Variants in POU2F2 observed in about 807,000 individuals in gnomAD.
POU2F2 encodes the protein POU class 2 homeobox 2, also known as POU domain, class 2, transcription factor 2.
POU2F2 carries 14 observed loss-of-function variants against 63.5 expected under a neutral mutation model. That is an observed-to-expected ratio of 0.22 (90% confidence interval 0.15 to 0.34). The LOEUF (loss-of-function observed/expected upper bound fraction) is 0.34, where lower values mean the gene tolerates loss of function less well. Among genes scored for constraint, POU2F2 ranks in the 10% least tolerant of loss-of-function variants. The pLI is 1.00. For missense variants in POU2F2, 607 were observed against 815.2 expected, an observed-to-expected ratio of 0.74 and a Z score of 3.11; for synonymous variants, 306 against 348.6, an observed-to-expected ratio of 0.88 and a Z score of 1.36.
rs533686330 is a variant in POU2F2 at position 42,155,415 on chromosome 19, G to A, written c.-9+4917C>T. Among the ~76,000 whole-genome samples the A allele has an allele frequency of 6.6e-6, 1 of 152,220 alleles. No individual in the cohort carries two copies. The highest frequency in any genetic ancestry group is 2.1e-4 in the South Asian group (1 of 4,824). ...TCTCCCTCTCCCTCCACTCCCATCTGGTGTATTCTGGATTCCCCTTTCTTA... is the reference window on the plus strand; with the variant it reads ...TCTCCCTCTCCCTCCACTCCCATCTAGTGTATTCTGGATTCCCCTTTCTTA... On this transcript the variant is annotated intron_variant, in intron 2 of 6. Coordinates refer to the POU2F2 transcript ENST00000524801. The surrounding 1 kb of genome is among the most constrained non-coding windows in gnomAD (Gnocchi z 4.2).
chr19:42,097,192 G>GTT (rs778449653), intron 7 of POU2F2, among the ~76,000 whole-genome samples: 281 of 117,676 alleles, frequency 2.4e-3, no homozygotes, highest in Non-Finnish European at 3.2e-3. Flanking sequence ...GAATTTTTCA[G>GTT]TTTTTTTTTT....
At chr19:42,157,894 T>C (rs538389237) in intron 2 of POU2F2, among the ~76,000 whole-genome samples, 9 of 151,944 alleles carry the variant, frequency 5.9e-5, no homozygotes, top group Admixed American at 3.9e-4. Flanking sequence ...CACGGGAGCA[T>C]AGGCAGCAGA....
upstream of POU2F2, among the ~76,000 whole-genome samples, chr19:42,178,871 A>T (rs1039909461): frequency 2.6e-5 from 4 of 152,214 alleles, no homozygotes; most frequent in South Asian, 2.1e-4. Flanking sequence ...AGAGACCCAG[A>T]GAGTCAAAGT....
At chr19:42,151,348 C>G (rs902932764) in intron 2 of POU2F2, among the ~76,000 whole-genome samples, 12 of 152,056 alleles carry the variant, frequency 7.9e-5, no homozygotes, top group African/African-American at 2.9e-4. Context: ...CCTCTGCCCT[C>G]CCCCTCGGGT....
intron 7 of POU2F2, among the ~76,000 whole-genome samples, chr19:42,098,773 A>G (rs189694608): frequency 1.5e-3 from 227 of 152,360 alleles, no homozygotes; most frequent in African/African-American, 5.1e-3. Flanking sequence ...GCTATAAAAA[A>G]TGGGTAGAAA....
intron 2 of POU2F2, among the ~76,000 whole-genome samples, chr19:42,148,979 G>A (rs1359475163): frequency 6.6e-6 from 1 of 151,746 alleles, no homozygotes; most frequent in East Asian, 1.9e-4. Flanking sequence ...TGGCACCCTA[G>A]ACCTGCCCAC....
Position 42,153,701 on chromosome 19 carries a change from G to A in POU2F2, c.-9+6631C>T, listed in dbSNP as rs1003695360. 3.3e-5 allele frequency among the ~76,000 whole-genome samples: 5 copies of A among 152,124 alleles called. No individual in the cohort carries two copies. Among genetic ancestry groups the A allele is most frequent in the African/African-American group, 9.7e-5 (4 of 41,416 alleles). On this transcript the variant is annotated intron_variant, in intron 2 of 6. Transcript: ENST00000524801. This position sits in a 1 kb window ranked among gnomAD's most constrained non-coding sequence, Gnocchi z 5.6. ...TGTGTGTCCCTGTGTGCCGATGGTC[G>A]AGTGTGTTTCCACAAGTGGGCTGGA...
intron 1 of POU2F2, among the ~76,000 whole-genome samples, chr19:42,171,407 G>A (rs890742995): frequency 1.1e-4 from 16 of 151,716 alleles, no homozygotes; most frequent in Non-Finnish European, 1.2e-4. Context: ...TATATGGGGA[G>A]ATGGAATGTC....
At chr19:42,133,681 C>A (rs1334660808), upstream of POU2F2, among the ~76,000 whole-genome samples, 3 of 152,092 alleles carry the variant, frequency 2.0e-5, no homozygotes, top group Non-Finnish European at 2.9e-5. This position sits in a 1 kb window ranked among gnomAD's most constrained non-coding sequence, Gnocchi z 5.1. Flanking sequence ...TGTGCACAGG[C>A]CCCAACACCA....
intron 2 of POU2F2, among the ~76,000 whole-genome samples, chr19:42,138,384 G>A (rs976560920): frequency 6.6e-6 from 1 of 152,184 alleles, no homozygotes; most frequent in African/African-American, 2.4e-5. Context: ...CTGAGGTCCT[G>A]AAGGATGAAA....
intron 1 of POU2F2, among the ~76,000 whole-genome samples, chr19:42,125,132 T>C (rs185865951): frequency 6.6e-6 from 1 of 152,138 alleles, no homozygotes; most frequent in East Asian, 1.9e-4. Flanking sequence ...CCAAGGCAGG[T>C]AGATCACTTG....
rs1435049278 is a variant in POU2F2, at chr19:42,095,962, C to A, written c.730-33G>T. 6.2e-7 allele frequency: 1 copy of A among 1,606,272 alleles called. No homozygotes were observed. The highest frequency in any genetic ancestry group is 8.5e-7 in the Non-Finnish European group (1 of 1,176,184). On this transcript the variant is annotated intron_variant, in intron 8 of 14. Transcript: ENST00000692977. The surrounding 1 kb of genome is among the most constrained non-coding windows in gnomAD (Gnocchi z 7.1). ...AGTGGGGCGGGGAAGGGCCCGAAGT[C>A]AGGGTGGGGCCTTCCGGCACTGGGC...
chr19:42,174,491 C>T (rs117292715), intron 1 of POU2F2, among the ~76,000 whole-genome samples: 56 of 152,234 alleles, frequency 3.7e-4, no homozygotes, highest in Non-Finnish European at 6.8e-4. Context: ...AACATCAGGA[C>T]GAGGGAGAGA....
At chr19:42,110,444 A>C (rs1404418208) in intron 5 of POU2F2, 1 of 158,036 alleles carries the variant, frequency 6.3e-6, no homozygotes, top group African/African-American at 2.4e-5. Context: ...CCTGGCAACA[A>C]CACCAACAAG....
chr19:42,150,191 C>G (rs2034313131), intron 2 of POU2F2, among the ~76,000 whole-genome samples: 1 of 152,098 alleles, frequency 6.6e-6, no homozygotes. Flanking sequence ...GTACCTCCTC[C>G]TACCCATCCC....
At position 42,092,699 on chromosome 19, in the gene POU2F2, G is replaced by T. The variant is rs1276389722; in HGVS notation, c.1265-429C>A. On this transcript the variant is annotated intron_variant, in intron 12 of 14. Transcript: ENST00000692977. This position sits in a 1 kb window ranked among gnomAD's most constrained non-coding sequence, Gnocchi z 5.0. ...CAGACTGCTGGGGTAGAAACTCCTG[G>T]CTCTGTCTCATCCCAGTGGTGCCCT... Among the ~76,000 whole-genome samples the T allele has an allele frequency of 1.3e-5, 2 of 152,092 alleles. No individual in the cohort carries two copies. Among genetic ancestry groups the T allele is most frequent in the African/African-American group, 4.8e-5 (2 of 41,396 alleles).
Position 42,091,328 on chromosome 19 carries a change from TGGA to T in POU2F2, c.1801_1803del (p.Ser601del), listed in dbSNP as rs762872121. On this transcript the variant is annotated inframe_deletion, in exon 15 of 15. Transcript: ENST00000692977. ...GTCTGTGCTGCCGTCTCGCTGCAAGTGGAGGAGGAGGAGGATGAGGATGAAGAG... is the reference window on the plus strand; with the variant it reads ...GTCTGTGCTGCCGTCTCGCTGCAAGTGGAGGAGGAGGATGAGGATGAAGAG... 8 of 1,532,032 alleles carry T rather than the reference TGGA, an allele frequency of 5.2e-6. No homozygotes were observed. The highest frequency in any genetic ancestry group is 1.4e-5 in the African/African-American group (1 of 72,628). The allele number at this position is 1,532,032 out of a possible 1,614,324, so 94.9% of individuals were successfully genotyped here.
At position 42,169,103 on chromosome 19, in the gene POU2F2, C is replaced by T. The variant is rs1257828706; in HGVS notation, c.-70+6860G>A. 6.6e-6 allele frequency among the ~76,000 whole-genome samples: 1 copy of T among 152,174 alleles called. No homozygotes were observed. Among genetic ancestry groups the T allele is most frequent in the Non-Finnish European group, 1.5e-5 (1 of 68,030 alleles). On this transcript the variant is annotated intron_variant, in intron 1 of 6. Coordinates refer to the POU2F2 transcript ENST00000524801. This position sits in a 1 kb window ranked among gnomAD's most constrained non-coding sequence, Gnocchi z 4.3. ...ATGTGATGAGTTAATTAATTCTATA[C>T]ACATTTTCACACTTGAACATCTACC...
chr19:42,184,713 A>C (rs755032891), intron 1 of POU2F2, among the ~76,000 whole-genome samples: 11 of 151,986 alleles, frequency 7.2e-5, no homozygotes, highest in Non-Finnish European at 1.5e-4. Context: ...ATGCAGCCAC[A>C]AATATCTTTT....
Sources: gnomAD v4.1 joint callset for allele counts (sites outside exome capture counted in the v4.1 genomes callset) on GRCh38, gnomAD v4.1.1 for gene constraint, Gnocchi (gnomAD v3.1) non-coding constraint, MANE v1.5 for transcripts, NCBI Gene and HGNC (gene_info 2026-07-23, HGNC 2026-07-21) for gene names.